Variants in KCNIP1 observed in about 807,000 individuals in gnomAD.
The protein encoded by KCNIP1 is A-type potassium channel modulatory protein KCNIP1.
Under a neutral mutation model 33.0 loss-of-function variants are expected in KCNIP1, and 18 were observed. The observed-to-expected ratio is 0.55, with a 90% CI of 0.38 to 0.81. The LOEUF (loss-of-function observed/expected upper bound fraction) is 0.81. KCNIP1 is among the 30% of genes least tolerant of loss of function. KCNIP1 has a pLI of 0.00. For synonymous variants in KCNIP1, 93 were observed against 98.3 expected (o/e 0.95, Z 0.32); for missense variants, 238 against 271.6 (o/e 0.88, Z 0.87).
chr5:170,699,737 C>T (rs891324731), intron 1 of KCNIP1, among the ~76,000 whole-genome samples: 1 of 152,040 alleles, frequency 6.6e-6, no homozygotes, highest in African/African-American at 2.4e-5. Context: ...AAATTGTAGG[C>T]TCTATTAACT....
intron 1 of KCNIP1, among the ~76,000 whole-genome samples, chr5:170,416,597 A>G (rs1755336263): frequency 6.6e-6 from 1 of 151,354 alleles, no homozygotes; most frequent in South Asian, 2.1e-4. Flanking sequence ...TGCATTTAAA[A>G]TGGAGAAGAT....
intron 1 of KCNIP1, among the ~76,000 whole-genome samples, chr5:170,398,777 C>A (rs1205539310): frequency 1.3e-5 from 2 of 152,192 alleles, no homozygotes; most frequent in East Asian, 3.9e-4. Context: ...CCCAGCCTCT[C>A]AGCATGGGCA....
intron 1 of KCNIP1, among the ~76,000 whole-genome samples, chr5:170,364,245 A>AT (rs2113293732): frequency 6.6e-6 from 1 of 152,222 alleles, no homozygotes; most frequent in Admixed American, 6.5e-5. Flanking sequence ...GGCTCAAGTG[A>AT]TTGGCCCACC....
At chr5:170,428,389 C>T (rs1465238215) in intron 1 of KCNIP1, among the ~76,000 whole-genome samples, 1 of 151,880 alleles carries the variant, frequency 6.6e-6, no homozygotes, top group South Asian at 2.1e-4. Context: ...CATTACTCAC[C>T]CATGCTTTGG....
At chr5:170,357,323 G>C (rs1022369260) in intron 1 of KCNIP1, among the ~76,000 whole-genome samples, 66 of 152,296 alleles carry the variant, frequency 4.3e-4, no homozygotes, top group African/African-American at 1.5e-3. Context: ...AGATTGTGCA[G>C]ATAAAGCTCC....
intron 1 of KCNIP1, among the ~76,000 whole-genome samples, chr5:170,597,475 C>G (rs544073162): frequency 2.0e-5 from 3 of 152,084 alleles, no homozygotes; most frequent in Non-Finnish European, 2.9e-5. Context: ...AACCCACCCA[C>G]CCCCGCACAC....
At chr5:170,563,744 G>C (rs1159942995) in intron 1 of KCNIP1, among the ~76,000 whole-genome samples, 1 of 152,122 alleles carries the variant, frequency 6.6e-6, no homozygotes, top group African/African-American at 2.4e-5. Context: ...AGGTTCAAAC[G>C]ATTCTCCTGC....
intron 1 of KCNIP1, among the ~76,000 whole-genome samples, chr5:170,592,576 T>C (rs549837320): frequency 2.6e-5 from 4 of 152,302 alleles, no homozygotes; most frequent in African/African-American, 9.6e-5. Context: ...ATAAATTGAG[T>C]GTGGTTTGAA....
At chr5:170,585,009 A>C (rs976720671) in intron 1 of KCNIP1, among the ~76,000 whole-genome samples, 1 of 152,100 alleles carries the variant, frequency 6.6e-6, no homozygotes, top group African/African-American at 2.4e-5. Context: ...GTAACCCCTA[A>C]CAGCCCTAGG....
At chr5:170,442,009 T>C (rs1413127436) in intron 1 of KCNIP1, among the ~76,000 whole-genome samples, 2 of 136,432 alleles carry the variant, frequency 1.5e-5, no homozygotes, top group Non-Finnish European at 3.1e-5. Context: ...TTTACTACAA[T>C]AAGCATAGCT....
At chr5:170,726,778 G>T (rs996961258) in intron 5 of KCNIP1, among the ~76,000 whole-genome samples, 12 of 147,402 alleles carry the variant, frequency 8.1e-5, no homozygotes, top group Non-Finnish European at 1.6e-4. Context: ...AGACATGGTG[G>T]TAAGCACCTG....
intron 1 of KCNIP1, among the ~76,000 whole-genome samples, chr5:170,576,962 G>A (rs1757624095): frequency 6.6e-6 from 1 of 152,184 alleles, no homozygotes; most frequent in South Asian, 2.1e-4. Flanking sequence ...CTGGCTGTGG[G>A]AAGGGACCCA....
chr5:170,441,584 C>T (rs948060676), intron 1 of KCNIP1, among the ~76,000 whole-genome samples: 4 of 152,156 alleles, frequency 2.6e-5, no homozygotes, highest in African/African-American at 9.7e-5. Context: ...CACCTGCAGC[C>T]CTAGAGCCCA....
intron 1 of KCNIP1, among the ~76,000 whole-genome samples, chr5:170,583,331 C>T (rs1318928620): frequency 6.6e-6 from 1 of 152,166 alleles, no homozygotes. Context: ...GCTCATCTGC[C>T]AATGCTGCAA....
intron 1 of KCNIP1, among the ~76,000 whole-genome samples, chr5:170,661,244 G>A (rs1229280741): frequency 6.6e-6 from 1 of 152,170 alleles, no homozygotes; most frequent in Non-Finnish European, 1.5e-5. Context: ...GCACATGGGG[G>A]GGCCCACACA....
chr5:170,655,538 C>T (rs1761226047), intron 1 of KCNIP1, among the ~76,000 whole-genome samples: 1 of 152,202 alleles, frequency 6.6e-6, no homozygotes, highest in Admixed American at 6.5e-5. Flanking sequence ...CTAGGCCCAC[C>T]TTCACCAAGG....
chr5:170,405,292 T>G (rs578196483), intron 1 of KCNIP1, among the ~76,000 whole-genome samples: 2 of 152,194 alleles, frequency 1.3e-5, no homozygotes, highest in South Asian at 4.2e-4. Context: ...CCTCCAGGTA[T>G]CAAGCGATTC....
intron 1 of KCNIP1, among the ~76,000 whole-genome samples, chr5:170,542,609 C>T (rs777915407): frequency 3.0e-4 from 46 of 152,244 alleles, no homozygotes; most frequent in African/African-American, 8.9e-4. Flanking sequence ...CAAGACCCCC[C>T]GTTGGCACCT....
chr5:170,696,385 G>C (rs138518694), intron 1 of KCNIP1, among the ~76,000 whole-genome samples: 122 of 152,248 alleles, frequency 8.0e-4, no homozygotes, highest in African/African-American at 2.8e-3. Flanking sequence ...ATGAGTGGCT[G>C]AATGGCCATA....
Sources: allele counts gnomAD v4.1 joint callset (sites outside exome capture counted in the v4.1 genomes callset), GRCh38; gene constraint gnomAD v4.1.1; transcripts MANE v1.5; gene names NCBI Gene and HGNC (gene_info 2026-07-23, HGNC 2026-07-21).